The following SLC22A23 variants were observed in gnomAD, a reference collection of about 807,000 sequenced individuals.
SLC22A23 encodes solute carrier family 22 member 23, also known as ion transporter protein.
SLC22A23 carries 26 observed loss-of-function variants against 61.0 expected under a neutral mutation model. The observed-to-expected ratio is 0.43, with a 90% CI of 0.31 to 0.59. The LOEUF (loss-of-function observed/expected upper bound fraction) is 0.59, where lower values mean the gene tolerates loss of function less well. SLC22A23 is among the 20% of genes least tolerant of loss of function. SLC22A23 has a pLI of 0.11. For synonymous variants in SLC22A23, 430 were observed against 413.9 expected, an observed-to-expected ratio of 1.04 and a Z score of -0.47; for missense variants, 796 against 934.7, an observed-to-expected ratio of 0.85 and a Z score of 1.94.
rs1389336244 is a variant in SLC22A23, at chr6:3,269,435, T to C, written c.*3620A>G. ...CTTCGGTGGATACCATCAGGTGAGG[T>C]AGGGAAGACATTCCAGAGGAAATCT... On this transcript the variant is annotated 3_prime_UTR_variant, in exon 10 of 10. Transcript: ENST00000406686. The C allele has an allele frequency of 6.6e-6, 1 of 152,610 alleles. No homozygotes were observed. The highest frequency in any genetic ancestry group is 2.4e-5 in the African/African-American group (1 of 41,446). The allele number at this position is 152,610 out of a possible 1,614,324, so 9.5% of individuals were successfully genotyped here.
At chr6:3,285,313 A>G (rs1232809288) in intron 7 of SLC22A23, among the ~76,000 whole-genome samples, 1 of 152,232 alleles carries the variant, frequency 6.6e-6, no homozygotes, top group Non-Finnish European at 1.5e-5. Context: ...TTTTGTTAGG[A>G]AGACAGGAGT....
intron 3 of SLC22A23, among the ~76,000 whole-genome samples, chr6:3,409,788 C>T (rs1769086647): frequency 1.3e-5 from 2 of 152,200 alleles, no homozygotes; most frequent in Non-Finnish European, 2.9e-5. Flanking sequence ...CACTTAAGGA[C>T]ACAACTGTGG....
intron 5 of SLC22A23, among the ~76,000 whole-genome samples, chr6:3,293,381 C>T (rs1484450985): frequency 6.6e-6 from 1 of 152,242 alleles, no homozygotes; most frequent in Non-Finnish European, 1.5e-5. Flanking sequence ...GTAGAAAAAG[C>T]ACCTGCTGCC....
intron 1 of SLC22A23, among the ~76,000 whole-genome samples, chr6:3,451,476 C>A (rs886480949): frequency 6.6e-6 from 1 of 152,226 alleles, no homozygotes; most frequent in Admixed American, 6.5e-5. Flanking sequence ...GGATTACAGG[C>A]GTGAGCCACT....
intron 1 of SLC22A23, among the ~76,000 whole-genome samples, chr6:3,417,092 C>T (rs925046305): frequency 6.6e-6 from 1 of 152,114 alleles, no homozygotes; most frequent in African/African-American, 2.4e-5. Flanking sequence ...CCCCTGAGGC[C>T]ACAGCTGTGG....
chr6:3,285,037 A>AAT (rs1759849979), intron 8 of SLC22A23, 42 bp downstream of exon 8: 1 of 1,608,476 alleles, frequency 6.2e-7, no homozygotes, highest in Non-Finnish European at 8.5e-7. Flanking sequence ...ATTTAGATGT[A>AAT]ATATGAGACG....
intron 9 of SLC22A23, 166 bp downstream of exon 9, chr6:3,283,686 C>T (rs1358394005): frequency 2.4e-6 from 3 of 1,250,664 alleles, no homozygotes; most frequent in Non-Finnish European, 3.3e-6. Context: ...CTCTTGGGCG[C>T]CTCGGGGTTG....
At chr6:3,431,413 G>C (rs1008374307) in intron 1 of SLC22A23, among the ~76,000 whole-genome samples, 2 of 152,226 alleles carry the variant, frequency 1.3e-5, no homozygotes, top group Admixed American at 1.3e-4. Context: ...GGACAGGGAA[G>C]GGAGAAAGGG....
At position 3,297,147 on chromosome 6, in the gene SLC22A23, C is replaced by T. The variant is rs1761179775; in HGVS notation, c.1210+944G>A. ...CAAGTTACGTGAGAGCAAGGCTTTG[C>T]CTGTGTCTTCTCTGCTCTAGAATAG... On this transcript the variant is annotated intron_variant, in intron 5 of 9. Coordinates refer to ENST00000406686, the MANE Select transcript of SLC22A23 (RefSeq NM_015482.2). This position sits in a 1 kb window ranked among gnomAD's most constrained non-coding sequence, Gnocchi z 4.3. Among the ~76,000 whole-genome samples, 1 of 152,220 alleles carries T rather than the reference C, an allele frequency of 6.6e-6. No homozygotes were observed. Among genetic ancestry groups the T allele is most frequent in the South Asian group, 2.1e-4 (1 of 4,830 alleles).
In SLC22A23 at chr6:3,293,895, C is replaced by T. The variant is rs1020602949; in HGVS notation, c.1211-4029G>A. 2.6e-5 allele frequency among the ~76,000 whole-genome samples: 4 copies of T among 152,126 alleles called. No homozygotes were observed. The South Asian group carries it at 6.2e-4, about 24-fold the overall frequency. On this transcript the variant is annotated intron_variant, in intron 5 of 9. Transcript: ENST00000406686. ...GCCCCACATGGGGCTAAGATGGGGG[C>T]GCTCGGATCACACAGACTCAGCCGT...
At chr6:3,280,718 G>T (rs1490900600) in intron 9 of SLC22A23, among the ~76,000 whole-genome samples, 1 of 151,890 alleles carries the variant, frequency 6.6e-6, no homozygotes, top group South Asian at 2.1e-4. Flanking sequence ...AGATCCTCTC[G>T]ATCTCCTGAC....
rs981700521 is a variant in SLC22A23, at chr6:3,328,746, C to T, written c.914-4744G>A. ...TGTCAGCCTGGCCACCCCTCACAGT[C>T]GTGTGGGCCAATTCCTCGCAGAAAA... On this transcript the variant is annotated intron_variant, in intron 3 of 9. Coordinates refer to ENST00000406686, the MANE Select transcript of SLC22A23 (RefSeq NM_015482.2). The surrounding 1 kb of genome is among the most constrained non-coding windows in gnomAD (Gnocchi z 5.0). 3.9e-5 allele frequency among the ~76,000 whole-genome samples: 6 copies of T among 152,140 alleles called. No individual in the cohort carries two copies. The highest frequency in any genetic ancestry group is 6.5e-5 in the Admixed American group (1 of 15,276).
chr6:3,323,849 A>T lies in SLC22A23; in HGVS notation c.1067T>A (p.Met356Lys), dbSNP rs201802673. The T allele has an allele frequency of 6.2e-7, 1 of 1,613,924 alleles. No individual in the cohort carries two copies. Among genetic ancestry groups the T allele is most frequent in the Non-Finnish European group, 8.5e-7 (1 of 1,179,938 alleles). The change falls in exon 4 of 10, where the codon ATG (methionine) becomes AAG (lysine). Residue 356 changes from methionine (M) to lysine (K), a missense_variant. Physicochemically the swap from Met to Lys is moderately conservative, Grantham distance 95. Transcript: ENST00000406686. ...GTGTACTCACGACCAGTAGAGCAGC[A>T]TGAGCAGGAAGGGGCAGATGATGAG... Reference protein sequence around the residue: ...QALIICPFLLMLLYWSIFPES... With the variant: ...QALIICPFLLKLLYWSIFPES...
chr6:3,439,353 G>A, intron 1 of SLC22A23: 1 of 400,920 alleles, frequency 2.5e-6, no homozygotes, highest in South Asian at 1.6e-5. Context: ...GGTCCTACAG[G>A]CATTTCTGAA....
At chr6:3,278,418 A>C (rs34854509) in intron 9 of SLC22A23, among the ~76,000 whole-genome samples, 18,437 of 152,162 alleles carry the variant, frequency 0.12, 3,047 homozygotes, top group African/African-American at 0.38. Flanking sequence ...CAGATACTCA[A>C]ACTCCTCCCA....
At position 3,273,997 on chromosome 6, in the gene SLC22A23, G is replaced by A. The variant is rs1217858626; in HGVS notation, c.1704-585C>T. ...TTGCTCACATACCACCATTGGAAAC[G>A]GTCCCATCTCTGAGGATTGTGCCTG... On this transcript the variant is annotated intron_variant, in intron 9 of 9. Transcript: ENST00000406686. Among the ~76,000 whole-genome samples the A allele has an allele frequency of 4.6e-5, 7 of 152,142 alleles. No homozygotes were observed. In the East Asian group the frequency reaches 1.2e-3, roughly 25 times the overall value.
rs555367319 is a variant in SLC22A23 at position 3,342,195 on chromosome 6, G to A, written c.914-18193C>T. 9.2e-5 allele frequency among the ~76,000 whole-genome samples: 14 copies of A among 152,154 alleles called. No individual in the cohort carries two copies. The highest frequency in any genetic ancestry group is 1.9e-4 in the East Asian group (1 of 5,174). The stretch of plus-strand genomic sequence containing the variant: ...AAATGAAAACTTATTCTCAGTTACC[G>A]TTTTGTTTCAAGATGGAAGCCTCAA... On this transcript the variant is annotated intron_variant, in intron 3 of 9. Coordinates refer to ENST00000406686, the MANE Select transcript of SLC22A23 (RefSeq NM_015482.2). This position sits in a 1 kb window ranked among gnomAD's most constrained non-coding sequence, Gnocchi z 4.0.
chr6:3,344,832 G>A (rs1162299770), intron 3 of SLC22A23, among the ~76,000 whole-genome samples: 3 of 152,208 alleles, frequency 2.0e-5, no homozygotes, highest in African/African-American at 7.2e-5. Flanking sequence ...TTAAAATGGG[G>A]TAAAGGTGCT....
At chr6:3,417,918 T>A (rs1305417051) in intron 1 of SLC22A23, among the ~76,000 whole-genome samples, 1 of 152,206 alleles carries the variant, frequency 6.6e-6, no homozygotes, top group Non-Finnish European at 1.5e-5. Flanking sequence ...AAACGAACAT[T>A]CACATATGTA....
Sources: gnomAD v4.1 joint callset for allele counts (sites outside exome capture counted in the v4.1 genomes callset) on GRCh38, gnomAD v4.1.1 for gene constraint, Gnocchi (gnomAD v3.1) non-coding constraint, MANE v1.5 for transcripts, NCBI Gene and HGNC (gene_info 2026-07-23, HGNC 2026-07-21) for gene names.